RGS5: variants seen among roughly 807,000 people sequenced by gnomAD.
RGS5 encodes the protein regulator of G-protein signalling 5.
In RGS5, 20 loss-of-function variants were observed where a neutral mutation model predicts 18.9. The observed-to-expected ratio is 1.06, with a 90% CI of 0.74 to 1.54. RGS5 has a LOEUF of 1.54. RGS5 is among the 40% of genes most tolerant of loss of function. RGS5 has a pLI of 0.00. For missense variants in RGS5, 201 were observed against 211.8 expected (o/e 0.95, Z 0.32); for synonymous variants, 57 against 76.2 (o/e 0.75, Z 1.31).
chr1:163,241,829 G>A (rs1466211668), intron 2 of RGS5, among the ~76,000 whole-genome samples: 1 of 152,212 alleles, frequency 6.6e-6, no homozygotes. Flanking sequence ...TGGAGACGAA[G>A]TGTTGGCCAG....
chr1:163,243,146 A>G (rs953062644), intron 2 of RGS5, among the ~76,000 whole-genome samples: 1 of 152,168 alleles, frequency 6.6e-6, no homozygotes, highest in African/African-American at 2.4e-5. Context: ...TTGCAGGGAC[A>G]TGGATGAAGC....
chr1:163,234,079 G>A (rs1373948671), intron 2 of RGS5, among the ~76,000 whole-genome samples: 2 of 152,184 alleles, frequency 1.3e-5, no homozygotes, highest in African/African-American at 4.8e-5. Context: ...CTTTGTTTCT[G>A]ATTCTTGACC....
At chr1:163,264,907 T>C (rs957040321) in intron 2 of RGS5, among the ~76,000 whole-genome samples, 13 of 152,088 alleles carry the variant, frequency 8.5e-5, no homozygotes, top group African/African-American at 2.9e-4. Context: ...TCAAAATCCA[T>C]AGACCCTTAC....
At chr1:163,275,728 A>G (rs181937687) in intron 2 of RGS5, among the ~76,000 whole-genome samples, 1 of 152,300 alleles carries the variant, frequency 6.6e-6, no homozygotes, top group Admixed American at 6.5e-5. Context: ...TCCCTACATC[A>G]TGGCAGAAAT....
intron 2 of RGS5, among the ~76,000 whole-genome samples, chr1:163,290,854 C>T (rs1308759614): frequency 6.6e-6 from 1 of 151,936 alleles, no homozygotes; most frequent in African/African-American, 2.4e-5. Flanking sequence ...CAATCCTAAA[C>T]TTGGTGGTTA....
At chr1:163,226,210 G>A (rs948042260) in intron 2 of RGS5, among the ~76,000 whole-genome samples, 3 of 93,510 alleles carry the variant, frequency 3.2e-5, no homozygotes, top group Admixed American at 2.2e-4. Context: ...ATGAGCCACC[G>A]CACCCAGCCA....
intron 2 of RGS5, chr1:163,300,483 A>T (rs1246154904): frequency 6.6e-6 from 1 of 152,234 alleles, no homozygotes; most frequent in Admixed American, 6.5e-5. Flanking sequence ...CAGGTTATCA[A>T]GTCCTAAACC....
chr1:163,178,267 T>A (rs977049012), intron 1 of RGS5, among the ~76,000 whole-genome samples: 1 of 152,056 alleles, frequency 6.6e-6, no homozygotes, highest in African/African-American at 2.4e-5. Flanking sequence ...ACTGAGATGG[T>A]GCCACTGCAC....
intron 2 of RGS5, among the ~76,000 whole-genome samples, chr1:163,293,852 G>A (rs751846526): frequency 2.0e-5 from 3 of 152,224 alleles, no homozygotes; most frequent in Non-Finnish European, 4.4e-5. Flanking sequence ...AGGGGCCACA[G>A]GCACTTTGTT....
intron 2 of RGS5, among the ~76,000 whole-genome samples, chr1:163,301,934 T>C (rs747039029): frequency 2.1e-4 from 32 of 152,000 alleles, no homozygotes; most frequent in Middle Eastern, 3.4e-3. Context: ...TTCTCTAGTA[T>C]TGAAGAAATC....
At chr1:163,251,156 G>C (rs985622819) in intron 2 of RGS5, among the ~76,000 whole-genome samples, 13 of 151,830 alleles carry the variant, frequency 8.6e-5, no homozygotes, top group African/African-American at 3.1e-4. Flanking sequence ...AAACCTATAC[G>C]AGATGAACTC....
chr1:163,190,960 T>C (rs928134987), intron 1 of RGS5, among the ~76,000 whole-genome samples: 16 of 151,826 alleles, frequency 1.1e-4, no homozygotes, highest in African/African-American at 3.9e-4. Context: ...CAGAAGTCCC[T>C]TTCAGGTTTG....
At position 163,142,404 on chromosome 1, in the gene RGS5, T is replaced by C. The variant is rs1656957517; in HGVS notation, c.*4938A>G. On this transcript the variant is annotated 3_prime_UTR_variant, in exon 5 of 5. Coordinates refer to ENST00000313961, the MANE Select transcript of RGS5 (RefSeq NM_003617.4). ...AGCATGAGTCACATAGTACATAAAG[T>C]ATTGAATACAAAATTCTAAAGATAA... 1 of 152,164 alleles carries C rather than the reference T, an allele frequency of 6.6e-6. No homozygotes were observed. Among genetic ancestry groups the C allele is most frequent in the Admixed American group, 6.5e-5 (1 of 15,268 alleles). The allele number at this position is 152,164 out of a possible 1,614,324, so 9.4% of individuals were successfully genotyped here. A position where few individuals can be genotyped will look rare whatever the true frequency, so the allele number is the denominator to read the frequency against.
intron 3 of RGS5, among the ~76,000 whole-genome samples, chr1:163,157,118 G>C (rs1054720919): frequency 1.3e-5 from 2 of 152,028 alleles, no homozygotes; most frequent in African/African-American, 4.8e-5. Context: ...AAATCACAAG[G>C]GTGTCTCAAG....
chr1:163,268,300 G>T (rs142427540), intron 2 of RGS5, among the ~76,000 whole-genome samples: 3 of 152,104 alleles, frequency 2.0e-5, no homozygotes, highest in Admixed American at 2.0e-4. Flanking sequence ...CCAGAGCCAT[G>T]GGATTCTTCC....
intron 2 of RGS5, among the ~76,000 whole-genome samples, chr1:163,293,989 C>T (rs539797315): frequency 6.6e-6 from 1 of 152,332 alleles, no homozygotes; most frequent in African/African-American, 2.4e-5. Context: ...TTGGGCAGCT[C>T]TGCCTCTGTG....
chr1:163,155,832 G>T (rs1341516191), intron 3 of RGS5, among the ~76,000 whole-genome samples: 1 of 151,916 alleles, frequency 6.6e-6, no homozygotes, highest in African/African-American at 2.4e-5. Context: ...AACCCACCTC[G>T]CCAGGCATCC....
intron 2 of RGS5, among the ~76,000 whole-genome samples, chr1:163,282,954 TA>T (rs1299177618): frequency 2.0e-5 from 3 of 152,020 alleles, no homozygotes; most frequent in African/African-American, 7.2e-5. Flanking sequence ...TATCCAGCCA[TA>T]AAAAAATGAC....
chr1:163,248,785 G>A (rs1393408834), intron 2 of RGS5: 2 of 152,216 alleles, frequency 1.3e-5, no homozygotes, highest in African/African-American at 4.8e-5. Context: ...TCTTGGTGAA[G>A]CTGGATTTGA....
Sources: allele counts gnomAD v4.1 joint callset (sites outside exome capture counted in the v4.1 genomes callset), GRCh38; gene constraint gnomAD v4.1.1; transcripts MANE v1.5; gene names NCBI Gene and HGNC (gene_info 2026-07-23, HGNC 2026-07-21).